The following EXOC4 variants were observed in gnomAD, a reference collection of about 807,000 sequenced individuals.
The protein encoded by EXOC4 is exocyst complex component 4, also known as SEC8-like 1.
EXOC4 carries 71 observed loss-of-function variants against 107.2 expected under a neutral mutation model. The ratio of observed to expected loss-of-function variants is 0.66; its 90% CI spans 0.55 to 0.81. The LOEUF (loss-of-function observed/expected upper bound fraction) is 0.81, where lower values mean the gene tolerates loss of function less well. Among genes scored for constraint, EXOC4 ranks in the 30% least tolerant of loss-of-function variants. The pLI is 0.00. For synonymous variants in EXOC4, 456 were observed against 441.2 expected (o/e 1.03, Z -0.42); for missense variants, 1,108 against 1,189.6 (o/e 0.93, Z 1.01).
chr7:134,098,430 A>G, the EXOC4 span, among the ~76,000 whole-genome samples: 24 of 152,266 alleles, frequency 1.6e-4, no homozygotes, highest in Admixed American at 3.3e-4. Context: ...ACCCAACCCA[A>G]TTCTTGCACA....
intron 10 of EXOC4, among the ~76,000 whole-genome samples, chr7:133,766,878 T>C (rs1006857909): frequency 2.0e-5 from 3 of 151,990 alleles, no homozygotes; most frequent in African/African-American, 7.2e-5. Context: ...CGAGTTAAAA[T>C]TGAACTCCCA....
At chr7:133,329,324 C>T (rs546771797) in intron 5 of EXOC4, among the ~76,000 whole-genome samples, 13 of 152,220 alleles carry the variant, frequency 8.5e-5, no homozygotes, top group Admixed American at 2.6e-4. Context: ...TTTGTCTAAC[C>T]CTTTTTCAAG....
chr7:133,932,093 T>G (rs1345195428), intron 13 of EXOC4, among the ~76,000 whole-genome samples: 1 of 152,264 alleles, frequency 6.6e-6, no homozygotes, highest in Non-Finnish European at 1.5e-5. Context: ...CGTAACTGAC[T>G]GTCATTCTAA....
chr7:133,986,815 G>C (rs1794126401), intron 14 of EXOC4, among the ~76,000 whole-genome samples: 1 of 152,182 alleles, frequency 6.6e-6, no homozygotes, highest in Non-Finnish European at 1.5e-5. Flanking sequence ...GGTAGAATTA[G>C]CTGGCATTAA....
chr7:133,869,660 T>A (rs1359533182), intron 11 of EXOC4, among the ~76,000 whole-genome samples: 2 of 152,190 alleles, frequency 1.3e-5, no homozygotes, highest in Non-Finnish European at 1.5e-5. Context: ...CTGTACCACA[T>A]CAACTATGGC....
At position 133,374,827 on chromosome 7, in the gene EXOC4, G is replaced by T. The variant is rs1796451556; in HGVS notation, c.1008-1G>T. The T allele has an allele frequency of 6.2e-7, 1 of 1,611,278 alleles. No individual in the cohort carries two copies. The highest frequency in any genetic ancestry group is 1.3e-5 in the African/African-American group (1 of 74,834). On this transcript the variant is annotated splice_acceptor_variant, in intron 6 of 17. Coordinates refer to ENST00000253861, the MANE Select transcript of EXOC4 (RefSeq NM_021807.4). LOFTEE classifies it high-confidence loss of function. Reference sequence around the variant, plus strand: ...TGTTATTTATTTGTTTATGCCACTAGGTTGCTTCTAGAACTGCTGGAGTTA... The same window carrying T: ...TGTTATTTATTTGTTTATGCCACTATGTTGCTTCTAGAACTGCTGGAGTTA...
At chr7:134,062,437 A>T (rs918708914) in intron 17 of EXOC4, among the ~76,000 whole-genome samples, 2 of 152,154 alleles carry the variant, frequency 1.3e-5, no homozygotes, top group African/African-American at 4.8e-5. Context: ...TCATTTCCCC[A>T]TAGGAGGTTC....
At chr7:134,086,613 G>A in the EXOC4 span, among the ~76,000 whole-genome samples, 1 of 152,154 alleles carries the variant, frequency 6.6e-6, no homozygotes, top group Non-Finnish European at 1.5e-5. Context: ...CAAGGCAGTG[G>A]TTCTGGGGCC....
chr7:133,618,675 C>G (rs1244649459), intron 9 of EXOC4, among the ~76,000 whole-genome samples: 1 of 152,044 alleles, frequency 6.6e-6, no homozygotes, highest in Non-Finnish European at 1.5e-5. Context: ...TGGTTGGTGT[C>G]ATTATTTTGA....
At chr7:134,013,620 G>C (rs1794825364) in intron 17 of EXOC4, among the ~76,000 whole-genome samples, 1 of 151,974 alleles carries the variant, frequency 6.6e-6, no homozygotes, top group South Asian at 2.1e-4. Flanking sequence ...AGGGAAACTG[G>C]GTACAAATTA....
intron 5 of EXOC4, among the ~76,000 whole-genome samples, chr7:133,338,116 T>A (rs966901098): frequency 6.6e-6 from 1 of 151,880 alleles, no homozygotes. Context: ...ATTATTTCTG[T>A]CTTTATGCTT....
At chr7:133,576,175 A>G (rs1801123014) in intron 9 of EXOC4, among the ~76,000 whole-genome samples, 1 of 152,142 alleles carries the variant, frequency 6.6e-6, no homozygotes, top group African/African-American at 2.4e-5. Context: ...AACCCCCGTT[A>G]TGTATTTTTT....
chr7:134,028,967 T>A (rs1795207135), intron 17 of EXOC4, among the ~76,000 whole-genome samples: 1 of 152,218 alleles, frequency 6.6e-6, no homozygotes, highest in African/African-American at 2.4e-5. Flanking sequence ...GAAAGGATCC[T>A]CAGGTGGCCC....
At chr7:133,921,644 G>C (rs1377400922) in intron 13 of EXOC4, among the ~76,000 whole-genome samples, 2 of 151,884 alleles carry the variant, frequency 1.3e-5, no homozygotes. Context: ...CTTTGAATAT[G>C]ATATGCCTAG....
chr7:133,688,169 CA>C (rs1794346474), intron 10 of EXOC4, among the ~76,000 whole-genome samples: 1 of 152,012 alleles, frequency 6.6e-6, no homozygotes, highest in Non-Finnish European at 1.5e-5. Flanking sequence ...GGGTCTTCAC[CA>C]AAGCAAGGAA....
At chr7:133,730,120 C>T (rs559784424) in intron 10 of EXOC4, among the ~76,000 whole-genome samples, 1 of 148,684 alleles carries the variant, frequency 6.7e-6, no homozygotes, top group Admixed American at 6.8e-5. Context: ...CATTGCTACT[C>T]TTTCTAATAA....
intron 11 of EXOC4, among the ~76,000 whole-genome samples, chr7:133,847,532 C>T (rs1391417005): frequency 2.1e-5 from 3 of 139,726 alleles, no homozygotes; most frequent in African/African-American, 8.7e-5. Flanking sequence ...GCCACTACAC[C>T]AGCTATTTTT....
At chr7:133,274,871 A>G in intron 1 of EXOC4, 111 bp from the exon 2 acceptor site, 1 of 799,492 alleles carries the variant, frequency 1.3e-6, no homozygotes, top group Non-Finnish European at 1.9e-6. Flanking sequence ...TTCCTAGTTA[A>G]TAAGATGAAT....
intron 10 of EXOC4, among the ~76,000 whole-genome samples, chr7:133,675,725 C>T (rs1283008607): frequency 1.3e-5 from 2 of 152,034 alleles, no homozygotes; most frequent in Non-Finnish European, 2.9e-5. Context: ...CAGATAACGG[C>T]GTAGGAGTGA....
Sources: allele counts gnomAD v4.1 joint callset (sites outside exome capture counted in the v4.1 genomes callset), GRCh38; gene constraint gnomAD v4.1.1; transcripts MANE v1.5; gene names NCBI Gene and HGNC (gene_info 2026-07-23, HGNC 2026-07-21).